Variants in ABHD18 observed in about 807,000 individuals in gnomAD.
ABHD18 encodes abhydrolase domain containing 18.
A neutral mutation model predicts 65.9 loss-of-function variants in ABHD18; 55 were observed. The observed-to-expected ratio is 0.84, with a 90% CI of 0.67 to 1.05. ABHD18 has a LOEUF of 1.05. ABHD18 is among the 50% of genes least tolerant of loss of function. ABHD18 has a pLI of 0.00. For synonymous variants in ABHD18, 181 were observed against 180.2 expected (o/e 1.00, Z -0.04); for missense variants, 533 against 558.5 (o/e 0.95, Z 0.46).
Position 128,036,325 on chromosome 4 carries a change from C to T in ABHD18, c.*512C>T, listed in dbSNP as rs1380683159. 6.6e-6 allele frequency: 1 copy of T among 151,852 alleles called. No individual in the cohort carries two copies. Among genetic ancestry groups the T allele is most frequent in the East Asian group, 1.9e-4 (1 of 5,198 alleles). The allele number at this position is 151,852 out of a possible 1,614,324, so 9.4% of individuals were successfully genotyped here. A position where few individuals can be genotyped will look rare whatever the true frequency, so the allele number is the denominator to read the frequency against. On this transcript the variant is annotated 3_prime_UTR_variant, in exon 13 of 13. Coordinates refer to ENST00000645843, the MANE Select transcript of ABHD18 (RefSeq NM_001358451.3). ...AATAAATACTTATGATATATAAAAT[C>T]AGTGTTAACTTTGAATTCTAAAATA...
At chr4:127,971,448 C>T (rs566632103) in intron 1 of ABHD18, among the ~76,000 whole-genome samples, 1 of 150,466 alleles carries the variant, frequency 6.6e-6, no homozygotes, top group Non-Finnish European at 1.5e-5. Context: ...TGTCATGCCA[C>T]CCCCTGCCAC....
At chr4:127,997,633 C>T (rs952270622) in intron 4 of ABHD18, among the ~76,000 whole-genome samples, 8 of 152,114 alleles carry the variant, frequency 5.3e-5, no homozygotes, top group African/African-American at 1.9e-4. Flanking sequence ...CTGCTTTCAG[C>T]CTTGTCAAAG....
chr4:127,982,993 T>G lies in ABHD18; in HGVS notation c.38T>G (p.Leu13Arg). 1 of 1,566,440 alleles carries G rather than the reference T, an allele frequency of 6.4e-7. No homozygotes were observed. The highest frequency in any genetic ancestry group is 1.2e-5 in the South Asian group (1 of 85,008). The change falls in exon 2 of 13, where the codon CTT (leucine) becomes CGT (arginine). Residue 13 changes from leucine to arginine, a missense_variant. Coordinates refer to ENST00000645843, the MANE Select transcript of ABHD18 (RefSeq NM_001358451.3). ...AAGTTAGATATTCTATACCGGAGACTTCTCCTAACAAAACTTTTTATCAGA... is the reference window on the plus strand; with the variant it reads ...AAGTTAGATATTCTATACCGGAGACGTCTCCTAACAAAACTTTTTATCAGA... ...VSKLDILYRR[L>R]LLTKLFIRGW...
intron 1 of ABHD18, among the ~76,000 whole-genome samples, chr4:127,979,563 A>G (rs1748606426): frequency 6.6e-6 from 1 of 152,012 alleles, no homozygotes; most frequent in Non-Finnish European, 1.5e-5. Context: ...TCAAAACAAA[A>G]CAAAGAAACA....
At chr4:127,969,891 T>C (rs550148203) in intron 1 of ABHD18, among the ~76,000 whole-genome samples, 15 of 152,090 alleles carry the variant, frequency 9.9e-5, no homozygotes, top group African/African-American at 3.4e-4. Context: ...GGACTACAGG[T>C]GTGCACCACC....
chr4:128,018,936 C>T (rs1755998863), intron 8 of ABHD18, among the ~76,000 whole-genome samples: 1 of 151,060 alleles, frequency 6.6e-6, no homozygotes, highest in Non-Finnish European at 1.5e-5. Context: ...ATCGCCTGAA[C>T]CCAGGAAGCG....
intron 1 of ABHD18, among the ~76,000 whole-genome samples, chr4:127,966,694 T>C (rs1448815794): frequency 2.5e-5 from 1 of 40,702 alleles, no homozygotes; most frequent in Non-Finnish European, 4.0e-5. Flanking sequence ...CCGTCTCTAC[T>C]AAAAATACAA....
At chr4:128,002,103 G>T (rs567748468) in intron 4 of ABHD18, among the ~76,000 whole-genome samples, 1 of 151,700 alleles carries the variant, frequency 6.6e-6, no homozygotes, top group Non-Finnish European at 1.5e-5. Flanking sequence ...GGTAAAACCC[G>T]ATTTCTACTA....
At chr4:127,983,724 G>C (rs1055504638) in intron 2 of ABHD18, among the ~76,000 whole-genome samples, 1 of 152,156 alleles carries the variant, frequency 6.6e-6, no homozygotes, top group Non-Finnish European at 1.5e-5. Flanking sequence ...AATTAAGCGG[G>C]CATGGTGACG....
chr4:128,039,075 T>TAC lies in ABHD18; in HGVS notation c.*3271_*3272dup, dbSNP rs940448534. 4 of 148,032 alleles carry TAC rather than the reference T, an allele frequency of 2.7e-5. No homozygotes were observed. Among genetic ancestry groups the TAC allele is most frequent in the East Asian group, 3.9e-4 (2 of 5,132 alleles). 9.2% of individuals were successfully genotyped at this position (148,032 alleles called of 1,614,324 possible). ...TATATGTATACGTTTTATATATATA[T>TAC]ACACACACACGTATGTGTGTATATA... On this transcript the variant is annotated 3_prime_UTR_variant, in exon 13 of 13. Coordinates refer to ENST00000645843, the MANE Select transcript of ABHD18 (RefSeq NM_001358451.3).
chr4:128,031,220 G>A lies in ABHD18; in HGVS notation c.1343+548G>A, dbSNP rs555900038. The stretch of plus-strand genomic sequence containing the variant: ...CTGTAATCCCAGCACTTTGGGAGGC[G>A]GAGGCGGGTGTATCACGAGGTCAGG... On this transcript the variant is annotated intron_variant, in intron 12 of 12. Transcript: ENST00000645843. 12 of 746,632 alleles carry A rather than the reference G, an allele frequency of 1.6e-5. No homozygotes were observed. In the South Asian group the frequency reaches 1.8e-4, roughly 11 times the overall value. The allele number at this position is 746,632 out of a possible 1,614,324, so 46.3% of individuals were successfully genotyped here.
At chr4:127,985,307 G>C (rs938540695) in intron 3 of ABHD18, among the ~76,000 whole-genome samples, 1 of 152,078 alleles carries the variant, frequency 6.6e-6, no homozygotes, top group African/African-American at 2.4e-5. Context: ...TATTGTTGGA[G>C]AGGGGATACA....
rs965200087 is a variant in ABHD18, at chr4:128,036,816, G to A, written c.*1003G>A. On this transcript the variant is annotated 3_prime_UTR_variant, in exon 13 of 13. Transcript: ENST00000645843. ...AGACTAAAACTTTACTAAAGATTAG[G>A]GTTTTTAAAAAATGCCAATAGGCCG... 1 of 151,224 alleles carries A rather than the reference G, an allele frequency of 6.6e-6. No individual in the cohort carries two copies. Among genetic ancestry groups the A allele is most frequent in the Non-Finnish European group, 1.5e-5 (1 of 67,834 alleles). The allele number at this position is 151,224 out of a possible 1,614,324, so 9.4% of individuals were successfully genotyped here.
chr4:128,006,150 ACT>A (rs901087664), intron 4 of ABHD18, among the ~76,000 whole-genome samples: 1 of 152,240 alleles, frequency 6.6e-6, no homozygotes, highest in Non-Finnish European at 1.5e-5. Context: ...GAGCAGAGAC[ACT>A]GATTACTGAA....
At chr4:128,024,208 A>ATG (rs888996777) in intron 10 of ABHD18, among the ~76,000 whole-genome samples, 3 of 152,130 alleles carry the variant, frequency 2.0e-5, no homozygotes, top group African/African-American at 4.8e-5. Context: ...GCAAGAGAGA[A>ATG]TGTGTGTGTG....
chr4:127,998,432 G>C (rs1376749308), intron 4 of ABHD18, among the ~76,000 whole-genome samples: 1 of 151,636 alleles, frequency 6.6e-6, no homozygotes, highest in Non-Finnish European at 1.5e-5. Flanking sequence ...ATAGAGACAG[G>C]GTTTCACCAT....
At chr4:127,973,817 C>CAAAAAA (rs57170719) in intron 1 of ABHD18, among the ~76,000 whole-genome samples, 8 of 16,600 alleles carry the variant, frequency 4.8e-4, no homozygotes, top group South Asian at 2.0e-3. Context: ...TGATGAACAG[C>CAAAAAA]AAAAAAAAAA....
intron 1 of ABHD18, among the ~76,000 whole-genome samples, chr4:127,971,695 T>G (rs1746846443): frequency 6.6e-6 from 1 of 152,018 alleles, no homozygotes. Context: ...TTTCTCCGTG[T>G]TAGCCAGGGT....
intron 4 of ABHD18, among the ~76,000 whole-genome samples, chr4:128,005,048 G>A (rs1334670253): frequency 6.6e-6 from 1 of 152,162 alleles, no homozygotes; most frequent in African/African-American, 2.4e-5. Flanking sequence ...GGCCAACATG[G>A]CGAAACCTGT....
Sources: allele counts gnomAD v4.1 joint callset (sites outside exome capture counted in the v4.1 genomes callset), GRCh38; gene constraint gnomAD v4.1.1; transcripts MANE v1.5; gene names NCBI Gene and HGNC (gene_info 2026-07-23, HGNC 2026-07-21).